Variants in LAMA5 observed in about 807,000 individuals in gnomAD.
The protein encoded by LAMA5 is laminin subunit alpha 5, also known as laminin subunit alpha-5.
In LAMA5, 260 loss-of-function variants were observed where a neutral mutation model predicts 433.4. The ratio of observed to expected loss-of-function variants is 0.60; its 90% CI spans 0.54 to 0.66. The LOEUF (loss-of-function observed/expected upper bound fraction) is 0.66, where lower values mean the gene tolerates loss of function less well. Ranked by LOEUF, LAMA5 falls within the 30% of genes least tolerant of loss-of-function variation. The pLI, the probability that LAMA5 is intolerant of heterozygous loss-of-function variation, is 0.00. For missense variants in LAMA5, 5,378 were observed against 5,258.5 expected, an observed-to-expected ratio of 1.02 and a Z score of -0.70; for synonymous variants, 2,620 against 2,226.6, an observed-to-expected ratio of 1.18 and a Z score of -4.97.
rs532068064 is a variant in LAMA5, at chr20:62,317,048, G to A, written c.7512-25C>T. On this transcript the variant is annotated intron_variant, in intron 55 of 79. Coordinates refer to ENST00000252999, the MANE Select transcript of LAMA5 (RefSeq NM_005560.6). ...GCTGCAGCGGAAGGGAGGGTCGAAG[G>A]AGTGGGTAAGCGCAGACGCCCTCGG... 4.0e-6 allele frequency: 6 copies of A among 1,513,788 alleles called. No individual in the cohort carries two copies. In the Admixed American group the frequency reaches 1.1e-4, roughly 27 times the overall value. The allele number at this position is 1,513,788 out of a possible 1,614,324, so 93.8% of individuals were successfully genotyped here.
rs1985784248 is a variant in LAMA5 at position 62,359,956 on chromosome 20, G to T, written c.450+2444C>A. ...CAGCCGCCCCCACCCCCGTCCCAGGGCATCCGCTCCAGATCCCAGAACAAA... is the reference window on the plus strand; with the variant it reads ...CAGCCGCCCCCACCCCCGTCCCAGGTCATCCGCTCCAGATCCCAGAACAAA... On this transcript the variant is annotated intron_variant, in intron 2 of 79. Coordinates refer to ENST00000252999, the MANE Select transcript of LAMA5 (RefSeq NM_005560.6). The surrounding 1 kb of genome is among the most constrained non-coding windows in gnomAD (Gnocchi z 4.3). 6.7e-6 allele frequency among the ~76,000 whole-genome samples: 1 copy of T among 148,484 alleles called. No homozygotes were observed.
chr20:62,337,037 A>G (rs761114891), intron 16 of LAMA5: 4 of 664,976 alleles, frequency 6.0e-6, no homozygotes, highest in Non-Finnish European at 1.1e-5. Context: ...ACCCGTGTAC[A>G]TTCCACACGC....
chr20:62,309,603 T>TGGGAGGGGGCAGG (rs1985904212), intron 79 of LAMA5, 113 bp downstream of exon 79: 133 of 284,234 alleles, frequency 4.7e-4, no homozygotes, highest in African/African-American at 1.6e-3. Context: ...GGTAGGGGGG[T>TGGGAGGGGGCAGG]GGGAGGAGGG....
intron 36 of LAMA5, 87 bp downstream of exon 36, chr20:62,327,779 C>A (rs934319797): frequency 6.4e-7 from 1 of 1,571,418 alleles, no homozygotes; most frequent in Non-Finnish European, 8.6e-7. Context: ...TTCTAGGAAG[C>A]CCCAGCTGCC....
At position 62,338,566 on chromosome 20, in the gene LAMA5, CG is replaced by C. The variant is rs769298326; in HGVS notation, c.1519del (p.Arg507GlyfsTer196). ...ACAGCGTCCCACCCTTGGGTCCTTC[CG>C]GCAGGCGTTGCCCTGGGTCCCTGCC... ...SAAGTQGNAC[R>X]KDPRVGRCLC... is the part of the protein sequence containing the mutation. On this transcript the variant is annotated frameshift_variant, in exon 12 of 80. Transcript: ENST00000252999. LOFTEE classifies it high-confidence loss of function. 20 of 1,611,090 alleles carry C rather than the reference CG, an allele frequency of 1.2e-5. No homozygotes were observed. Among genetic ancestry groups the C allele is most frequent in the Non-Finnish European group, 1.6e-5 (19 of 1,179,508 alleles).
rs922435209 is a variant in LAMA5 at position 62,321,960 on chromosome 20, G to A, written c.6496+59C>T. 2.0e-6 allele frequency: 3 copies of A among 1,523,366 alleles called. No individual in the cohort carries two copies. The South Asian group carries it at 3.3e-5, about 17-fold the overall frequency. 94.4% of individuals were successfully genotyped at this position (1,523,366 alleles called of 1,614,324 possible). On this transcript the variant is annotated intron_variant, in intron 48 of 79. Coordinates refer to ENST00000252999, the MANE Select transcript of LAMA5 (RefSeq NM_005560.6). Reference sequence around the variant, plus strand: ...ACGTTAACACTGGGGTCACCAGGCTGTGTGGGACTTGGATTCCTACTCCAT... The same window carrying A: ...ACGTTAACACTGGGGTCACCAGGCTATGTGGGACTTGGATTCCTACTCCAT...
chr20:62,330,286 G>C (rs1339251144), intron 31 of LAMA5, among the ~76,000 whole-genome samples: 1 of 152,256 alleles, frequency 6.6e-6, no homozygotes, highest in African/African-American at 2.4e-5. Context: ...GCACGAGACA[G>C]AGGCGAGACC....
At position 62,331,027 on chromosome 20, in the gene LAMA5, ATTACCTGTTG is replaced by A. The variant is rs773212211; in HGVS notation, c.3645_3650+4del. Reference sequence around the variant, plus strand: ...GCCCCTCCCAGCCCCATTACCTGCCATTACCTGTTGGGGCCAAAGGCGCCGTGGCTGCTGA... The same window carrying A: ...GCCCCTCCCAGCCCCATTACCTGCCAGGGCCAAAGGCGCCGTGGCTGCTGA... On this transcript the variant is annotated splice_donor_variant and splice_donor_region_variant and coding_sequence_variant and intron_variant, in exon 29 of 80. Coordinates refer to ENST00000252999, the MANE Select transcript of LAMA5 (RefSeq NM_005560.6). LOFTEE classifies it high-confidence loss of function. 3.8e-6 allele frequency: 6 copies of A among 1,594,882 alleles called. No homozygotes were observed. The African/African-American group carries it at 8.1e-5, about 22-fold the overall frequency.
chr20:62,316,364 G>A, intron 57 of LAMA5: 5 of 546,280 alleles, frequency 9.2e-6, no homozygotes, highest in Non-Finnish European at 1.6e-5. Flanking sequence ...TGCGCAGCTT[G>A]GCACGCGTGT....
intron 5 of LAMA5, 23 bp from the exon 6 acceptor site, chr20:62,351,824 C>T (rs1174399681): frequency 5.0e-6 from 8 of 1,590,554 alleles, no homozygotes; most frequent in Non-Finnish European, 6.8e-6. Context: ...GCCCCGTGAG[C>T]ACCAGGCGGC....
At chr20:62,329,658 G>T in intron 32 of LAMA5, 119 bp downstream of exon 32, 1 of 1,300,534 alleles carries the variant, frequency 7.7e-7, no homozygotes, top group Non-Finnish European at 1.1e-6. Flanking sequence ...CTGCTTTGCT[G>T]GGCACAAGGC....
At position 62,328,297 on chromosome 20, in the gene LAMA5, C is replaced by T. The variant is rs772443721; in HGVS notation, c.4596G>A (p.Gly1532=). ...GGTCTGTGAGCTCCTGGATGCCGGG[C>T]CCTGAGCAGTTACACTCCTCACAGC... The part of the protein sequence containing the change: ...LVGCEECNCS[G]PGIQELTDPT... The change falls in exon 35 of 80, where the codon GGG becomes GGA. Residue 1532 remains glycine (G), a synonymous_variant. Transcript: ENST00000252999. The T allele has an allele frequency of 6.2e-7, 1 of 1,607,644 alleles. No individual in the cohort carries two copies. The highest frequency in any genetic ancestry group is 8.5e-7 in the Non-Finnish European group (1 of 1,177,850).
At position 62,333,687 on chromosome 20, in the gene LAMA5, G is replaced by A. The variant is rs776069430; in HGVS notation, c.2898C>T (p.Pro966=). ...TCANCTAQSQ[P]VAFPPSTEPA... is the part of the protein sequence containing the mutation. ...GCTCCGTGCTGGGTGGGAAGGCCAC[G>A]GGCTGACTCTGTGCTGTGCCTGGGC... Residue 966 remains proline (P), a synonymous_variant, in exon 24 of 80, where the codon CCC becomes CCT. Coordinates refer to ENST00000252999, the MANE Select transcript of LAMA5 (RefSeq NM_005560.6). 1.0e-5 allele frequency: 16 copies of A among 1,594,422 alleles called. No homozygotes were observed. The highest frequency in any genetic ancestry group is 6.9e-5 in the South Asian group (6 of 87,360).
chr20:62,346,031 G>A (rs750147143), intron 10 of LAMA5, 50 bp downstream of exon 10: 1 of 1,607,190 alleles, frequency 6.2e-7, no homozygotes, highest in Non-Finnish European at 8.5e-7. Flanking sequence ...AGGGCTCCCG[G>A]AGTCCAGCAG....
At chr20:62,313,500 C>T (rs780661743) in intron 63 of LAMA5, 40 bp from the exon 64 acceptor site, 57 of 1,565,720 alleles carry the variant, frequency 3.6e-5, no homozygotes, top group Admixed American at 9.4e-5. Context: ...TGGCCTGAGG[C>T]GCCTCCCCTC....
chr20:62,363,733 C>T (rs1236490843), intron 1 of LAMA5, among the ~76,000 whole-genome samples: 1 of 152,088 alleles, frequency 6.6e-6, no homozygotes, highest in Non-Finnish European at 1.5e-5. Flanking sequence ...GGGGGCCAGA[C>T]CTCATCCTAG....
chr20:62,343,509 C>T (rs1271210767), intron 11 of LAMA5, among the ~76,000 whole-genome samples: 1 of 152,194 alleles, frequency 6.6e-6, no homozygotes, highest in Admixed American at 6.5e-5. Flanking sequence ...GGCGCAGAGG[C>T]TTACGCCTGT....
chr20:62,318,383 C>CGAGGGGAGGGGAGGGGAGGATGAGA, intron 53 of LAMA5, 71 bp downstream of exon 53: 2 of 1,065,616 alleles, frequency 1.9e-6, no homozygotes, highest in Admixed American at 4.3e-5. Flanking sequence ...GGGGAGGAGC[C>CGAGGGGAGGGGAGGGGAGGATGAGA]GGAGAGGAGA....
chr20:62,309,288 TGTGAGGCAGCTGCAGGG>T lies in LAMA5; in HGVS notation c.*31_*47del. On this transcript the variant is annotated 3_prime_UTR_variant, in exon 80 of 80. Coordinates refer to ENST00000252999, the MANE Select transcript of LAMA5 (RefSeq NM_005560.6). ...CCTATGAGGCGAGCACAAGGGGCGG[TGTGAGGCAGCTGCAGGG>T]GCCTGACCAGGGGCCGGGGTTGGCT... 6.3e-7 allele frequency: 1 copy of T among 1,575,442 alleles called. No individual in the cohort carries two copies. The highest frequency in any genetic ancestry group is 1.1e-5 in the South Asian group (1 of 88,204).
Sources: gnomAD v4.1 joint callset for allele counts (sites outside exome capture counted in the v4.1 genomes callset) on GRCh38, gnomAD v4.1.1 for gene constraint, Gnocchi (gnomAD v3.1) non-coding constraint, MANE v1.5 for transcripts, NCBI Gene and HGNC (gene_info 2026-07-23, HGNC 2026-07-21) for gene names.